Variants in AKAP7 observed in about 807,000 individuals in gnomAD.
AKAP7 encodes A kinase (PRKA) anchor protein 7.
In AKAP7, 39 loss-of-function variants were observed where a neutral mutation model predicts 39.5. That is an observed-to-expected ratio of 0.99 (90% CI 0.76 to 1.29). The LOEUF is 1.29. Ranked by LOEUF, AKAP7 falls within the 50% of genes most tolerant of loss-of-function variation. AKAP7 has a pLI of 0.00. For missense variants in AKAP7, 414 were observed against 407.7 expected, an observed-to-expected ratio of 1.02 and a Z score of -0.13; for synonymous variants, 140 against 139.1, an observed-to-expected ratio of 1.01 and a Z score of -0.05.
At chr6:131,128,884 T>A in the AKAP7 span, among the ~76,000 whole-genome samples, 162 of 151,330 alleles carry the variant, frequency 1.1e-3, no homozygotes, top group African/African-American at 3.7e-3. Context: ...AATGTACTTA[T>A]CATAGAATTA....
intron 1 of AKAP7, 47 bp downstream of exon 1, chr6:131,135,829 G>C (rs1314003816): frequency 3.7e-5 from 45 of 1,226,362 alleles, no homozygotes; most frequent in Non-Finnish European, 4.5e-5. Flanking sequence ...GACAGGAGCC[G>C]CGGGGGCCTG....
At position 131,219,847 on chromosome 6, in the gene AKAP7, T is replaced by A. The variant is rs756028361; in HGVS notation, c.850+39T>A. On this transcript the variant is annotated intron_variant, in intron 7 of 7. Transcript: ENST00000431975. ...AAAAATTATTTATTATCTTTATTTTTAATTTTTTTGGCATCACTTTTATCT... is the reference window on the plus strand; with the variant it reads ...AAAAATTATTTATTATCTTTATTTTAAATTTTTTTGGCATCACTTTTATCT... The A allele has an allele frequency of 2.2e-5, 30 of 1,375,460 alleles. No homozygotes were observed. The South Asian group carries it at 3.7e-4, about 17-fold the overall frequency. The allele number at this position is 1,375,460 out of a possible 1,614,324, so 85.2% of individuals were successfully genotyped here.
At chr6:131,127,920 C>T in the AKAP7 span, among the ~76,000 whole-genome samples, 1 of 152,148 alleles carries the variant, frequency 6.6e-6, no homozygotes, top group East Asian at 1.9e-4. Context: ...CAAACTAACA[C>T]AGGAACAGAA....
chr6:131,136,255 G>T (rs1157566343), intron 1 of AKAP7, among the ~76,000 whole-genome samples: 1 of 151,962 alleles, frequency 6.6e-6, no homozygotes, highest in Admixed American at 6.5e-5. Flanking sequence ...TTTAAAACTG[G>T]CGCCAAGTCT....
chr6:131,173,378 A>G (rs1334422822), intron 5 of AKAP7, among the ~76,000 whole-genome samples: 1 of 152,158 alleles, frequency 6.6e-6, no homozygotes, highest in South Asian at 2.1e-4. Context: ...AATTTAGAAT[A>G]TAGGACATAA....
chr6:131,158,191 A>G (rs999291227), intron 2 of AKAP7, among the ~76,000 whole-genome samples: 2 of 152,222 alleles, frequency 1.3e-5, no homozygotes, highest in African/African-American at 2.4e-5. Flanking sequence ...ACTTCAGTAG[A>G]GAAGCAATTT....
intron 5 of AKAP7, among the ~76,000 whole-genome samples, chr6:131,182,125 G>GAA (rs34712760): frequency 6.0e-5 from 9 of 149,028 alleles, no homozygotes; most frequent in African/African-American, 1.2e-4. Context: ...GAGTCCGTCT[G>GAA]AAAAAAAAAA....
intron 6 of AKAP7, among the ~76,000 whole-genome samples, chr6:131,212,168 C>A (rs1451590251): frequency 2.0e-5 from 3 of 152,188 alleles, no homozygotes; most frequent in African/African-American, 7.2e-5. Context: ...TATGTTGAAT[C>A]ATCCTAAGTC....
intron 6 of AKAP7, chr6:131,200,898 A>C (rs975044371): frequency 6.6e-6 from 1 of 152,138 alleles, no homozygotes; most frequent in African/African-American, 2.4e-5. Context: ...CAGAATGACA[A>C]TCAGTGGTGA....
intron 7 of AKAP7, among the ~76,000 whole-genome samples, chr6:131,228,812 C>T (rs1164189332): frequency 6.6e-6 from 1 of 152,040 alleles, no homozygotes; most frequent in Non-Finnish European, 1.5e-5. Flanking sequence ...CATTTACATG[C>T]AAAAGCAATG....
At chr6:131,267,715 T>C (rs765502064) in intron 7 of AKAP7, among the ~76,000 whole-genome samples, 2 of 152,224 alleles carry the variant, frequency 1.3e-5, no homozygotes, top group African/African-American at 2.4e-5. Flanking sequence ...GAAATACTTA[T>C]TCATTCTGTC....
chr6:131,167,572 T>A (rs535795703), intron 4 of AKAP7, among the ~76,000 whole-genome samples: 11 of 152,160 alleles, frequency 7.2e-5, no homozygotes, highest in Non-Finnish European at 1.2e-4. Context: ...ACTGTTTGGA[T>A]GAACATAACT....
At chr6:131,176,148 G>A (rs938872296) in intron 5 of AKAP7, among the ~76,000 whole-genome samples, 1 of 152,122 alleles carries the variant, frequency 6.6e-6, no homozygotes, top group Non-Finnish European at 1.5e-5. Context: ...CTGCTGGTGG[G>A]CTAAAGAGAC....
Position 131,261,078 on chromosome 6 carries a change from C to T in AKAP7, c.851-20452C>T, listed in dbSNP as rs146095444. Among the ~76,000 whole-genome samples, 130 of 152,142 alleles carry T rather than the reference C, an allele frequency of 8.5e-4. 3 individuals carry two copies. In the East Asian group the frequency reaches 0.018, roughly 21 times the overall value. On this transcript the variant is annotated intron_variant, in intron 7 of 7. Coordinates refer to ENST00000431975, the MANE Select transcript of AKAP7 (RefSeq NM_016377.4). Reference sequence around the variant, plus strand: ...GGGCGTAGTGGCACATGCCTGTAATCGCAGCTACTCAGCAGGCTGAGGCAG... The same window carrying T: ...GGGCGTAGTGGCACATGCCTGTAATTGCAGCTACTCAGCAGGCTGAGGCAG...
chr6:131,244,949 AAG>A (rs948576782), intron 7 of AKAP7, among the ~76,000 whole-genome samples: 1 of 152,210 alleles, frequency 6.6e-6, no homozygotes, highest in African/African-American at 2.4e-5. Context: ...AAGCACTGTA[AAG>A]AGAAGTAAAA....
intron 7 of AKAP7, among the ~76,000 whole-genome samples, chr6:131,230,985 G>A (rs1345678276): frequency 6.6e-6 from 1 of 152,042 alleles, no homozygotes; most frequent in Non-Finnish European, 1.5e-5. Flanking sequence ...GAGTATAAAG[G>A]AGTCCTGAGG....
At chr6:131,238,249 G>T (rs955381758) in intron 7 of AKAP7, among the ~76,000 whole-genome samples, 1 of 152,166 alleles carries the variant, frequency 6.6e-6, no homozygotes, top group Non-Finnish European at 1.5e-5. Flanking sequence ...GTTCTAGTTT[G>T]ATTGCACTGT....
intron 7 of AKAP7, among the ~76,000 whole-genome samples, chr6:131,230,027 A>G (rs750493270): frequency 6.6e-6 from 1 of 152,150 alleles, no homozygotes; most frequent in Admixed American, 6.6e-5. Flanking sequence ...TGTCTTTGCT[A>G]TTGTGAATAG....
At chr6:131,201,134 A>G (rs1166484403) in intron 6 of AKAP7, among the ~76,000 whole-genome samples, 3 of 152,180 alleles carry the variant, frequency 2.0e-5, no homozygotes, top group African/African-American at 7.2e-5. Context: ...TCACAGTCTT[A>G]TCAGTTACAG....
Sources: gnomAD v4.1 joint callset for allele counts (sites outside exome capture counted in the v4.1 genomes callset) on GRCh38, gnomAD v4.1.1 for gene constraint, MANE v1.5 for transcripts, NCBI Gene and HGNC (gene_info 2026-07-23, HGNC 2026-07-21) for gene names.